The following KIF26A variants were observed in gnomAD, a reference collection of about 807,000 sequenced individuals.
KIF26A encodes kinesin-like protein KIF26A.
In KIF26A, 74 loss-of-function variants were observed where a neutral mutation model predicts 126.0. That is an observed-to-expected ratio of 0.59 (90% CI 0.49 to 0.71). KIF26A has a LOEUF of 0.71. Among genes scored for constraint, KIF26A ranks in the 30% least tolerant of loss-of-function variants. The pLI, the probability that KIF26A is intolerant of heterozygous loss-of-function variation, is 0.00. For missense variants in KIF26A, 2,984 were observed against 2,763.3 expected, an observed-to-expected ratio of 1.08 and a Z score of -1.79; for synonymous variants, 1,445 against 1,232.7, an observed-to-expected ratio of 1.17 and a Z score of -3.61.
chr14:104,179,819 G>A lies in KIF26A; in HGVS notation c.*29G>A, dbSNP rs184298442. 799 of 1,496,166 alleles carry A rather than the reference G, an allele frequency of 5.3e-4. 3 individuals carry two copies. The African/African-American group carries it at 7.3e-3, about 14-fold the overall frequency. 92.7% of individuals were successfully genotyped at this position (1,496,166 alleles called of 1,614,324 possible). A position where few individuals can be genotyped will look rare whatever the true frequency, so the allele number is the denominator to read the frequency against. ...TGGGCGCCGGACAAGAGGAGGGGGCGTGCAGCGGGCTGGAGGACGGGACGT... is the reference window on the plus strand; with the variant it reads ...TGGGCGCCGGACAAGAGGAGGGGGCATGCAGCGGGCTGGAGGACGGGACGT... On this transcript the variant is annotated 3_prime_UTR_variant, in exon 15 of 15. Transcript: ENST00000423312.
chr14:104,143,182 T>A (rs192899173), intron 2 of KIF26A, among the ~76,000 whole-genome samples: 1 of 152,324 alleles, frequency 6.6e-6, no homozygotes, highest in African/African-American at 2.4e-5. Flanking sequence ...AGGGGCCTCA[T>A]CCTTATGCCC....
rs540770480 is a variant in KIF26A at position 104,157,811 on chromosome 14, C to G, written c.792C>G (p.Pro264=). 5 of 1,609,634 alleles carry G rather than the reference C, an allele frequency of 3.1e-6. No individual in the cohort carries two copies. Among genetic ancestry groups the G allele is most frequent in the Non-Finnish European group, 4.2e-6 (5 of 1,178,566 alleles). ...CAGACACGGTCCGAGAATGCCCCCCCGTGGCCGGCCCTGATGGCTTGTCGA... is the reference window on the plus strand; with the variant it reads ...CAGACACGGTCCGAGAATGCCCCCCGGTGGCCGGCCCTGATGGCTTGTCGA... The part of the protein sequence containing the change: ...AVADTVRECP[P]VAGPDGLSKA... Residue 264 remains proline (P), a synonymous_variant, in exon 4 of 15, where the codon CCC becomes CCG. Coordinates refer to ENST00000423312, the MANE Select transcript of KIF26A (RefSeq NM_015656.2).
chr14:104,157,054 T>C (rs992117924), intron 3 of KIF26A, among the ~76,000 whole-genome samples: 1 of 151,892 alleles, frequency 6.6e-6, no homozygotes, highest in African/African-American at 2.4e-5. Flanking sequence ...TGGGGTTGCA[T>C]CCCCCCACGC....
rs1027848922 is a variant in KIF26A, at chr14:104,151,921, G to T, written c.289-94G>T. The T allele has an allele frequency of 9.0e-7, 1 of 1,106,726 alleles. No homozygotes were observed. Among genetic ancestry groups the T allele is most frequent in the East Asian group, 2.4e-5 (1 of 41,634 alleles). 68.6% of individuals were successfully genotyped at this position (1,106,726 alleles called of 1,614,324 possible). On this transcript the variant is annotated intron_variant, in intron 2 of 14. Coordinates refer to ENST00000423312, the MANE Select transcript of KIF26A (RefSeq NM_015656.2). This position sits in a 1 kb window ranked among gnomAD's most constrained non-coding sequence, Gnocchi z 4.9. ...TGGTGCGGTGGCCAGGCGGGAGCTC[G>T]CAGCGTCATGGACGGTGAGAGTGCT...
Position 104,176,149 on chromosome 14 carries a change from A to C in KIF26A, c.3361A>C (p.Thr1121Pro). 1.3e-6 allele frequency: 2 copies of C among 1,586,488 alleles called. No individual in the cohort carries two copies. The highest frequency in any genetic ancestry group is 1.7e-6 in the Non-Finnish European group (2 of 1,167,632). The change falls in exon 12 of 15, where the codon ACT (threonine) becomes CCT (proline). Residue 1121 changes from threonine (T) to proline (P), a missense_variant. Transcript: ENST00000423312. ...SSWLSEVSVCTADSRDPTPQP... is the reference protein window; with the variant it reads ...SSWLSEVSVCPADSRDPTPQP... ...CTGGCTCAGCGAGGTCAGCGTCTGC[A>C]CTGCCGACAGCCGTGACCCCACGCC...
chr14:104,144,511 A>G (rs763545267), intron 2 of KIF26A, among the ~76,000 whole-genome samples: 39 of 152,232 alleles, frequency 2.6e-4, no homozygotes, highest in Non-Finnish European at 4.4e-4. Context: ...GGGCTAAGGG[A>G]ATGGGACTGG....
At chr14:104,161,757 C>T (rs1402992610) in intron 4 of KIF26A, among the ~76,000 whole-genome samples, 5 of 152,218 alleles carry the variant, frequency 3.3e-5, no homozygotes, top group Admixed American at 6.5e-5. Flanking sequence ...AAGCAGGAGG[C>T]GCAGGGGCTG....
Position 104,180,838 on chromosome 14 carries a change from G to C in KIF26A, c.*1048G>C, listed in dbSNP as rs1334094126. 1 of 153,940 alleles carries C rather than the reference G, an allele frequency of 6.5e-6. No homozygotes were observed. The highest frequency in any genetic ancestry group is 2.4e-5 in the African/African-American group (1 of 41,514). The allele number at this position is 153,940 out of a possible 1,614,324, so 9.5% of individuals were successfully genotyped here. A position where few individuals can be genotyped will look rare whatever the true frequency, so the allele number is the denominator to read the frequency against. ...AGGACGTCTGAACCTTTGTACAAAT[G>C]TGTAGATGACATCTTGCTACAGCTT... On this transcript the variant is annotated 3_prime_UTR_variant, in exon 15 of 15. Coordinates refer to ENST00000423312, the MANE Select transcript of KIF26A (RefSeq NM_015656.2).
intron 3 of KIF26A, among the ~76,000 whole-genome samples, chr14:104,156,248 A>G (rs1390009237): frequency 2.0e-5 from 3 of 152,206 alleles, no homozygotes; most frequent in Admixed American, 6.5e-5. Flanking sequence ...TAGGGAGCAC[A>G]TACATTAAGT....
rs2037742778 is a variant in KIF26A at position 104,152,787 on chromosome 14, G to T, written c.735+326G>T. Among the ~76,000 whole-genome samples, 2 of 152,206 alleles carry T rather than the reference G, an allele frequency of 1.3e-5. No homozygotes were observed. The highest frequency in any genetic ancestry group is 2.9e-5 in the Non-Finnish European group (2 of 68,020). Reference sequence around the variant, plus strand: ...GGCGATGCACAGGGCACCGTGTGTAGATCGGGGCTCACGAGGCAGATGGAG... The same window carrying T: ...GGCGATGCACAGGGCACCGTGTGTATATCGGGGCTCACGAGGCAGATGGAG... On this transcript the variant is annotated intron_variant, in intron 3 of 14. Transcript: ENST00000423312. The surrounding 1 kb of genome is among the most constrained non-coding windows in gnomAD (Gnocchi z 5.9).
rs1388981739 is a variant in KIF26A, at chr14:104,179,308, A to C, written c.5389A>C (p.Lys1797Gln). 1 of 1,538,788 alleles carries C rather than the reference A, an allele frequency of 6.5e-7. No individual in the cohort carries two copies. Among genetic ancestry groups the C allele is most frequent in the Non-Finnish European group, 8.7e-7 (1 of 1,145,820 alleles). ...RQQRLREVQAKHKHLCEELAE... is the reference protein window; with the variant it reads ...RQQRLREVQAQHKHLCEELAE... ...GCAGCGGCTGCGGGAGGTGCAGGCCAAGCACAAGCACCTGTGTGAGGAGCT... is the reference window on the plus strand; with the variant it reads ...GCAGCGGCTGCGGGAGGTGCAGGCCCAGCACAAGCACCTGTGTGAGGAGCT... The change falls in exon 14 of 15, where the codon AAG (lysine) becomes CAG (glutamine). Residue 1797 changes from lysine (K) to glutamine (Q), a missense_variant. Physicochemically the swap from Lys to Gln is moderately conservative, Grantham distance 53 (BLOSUM62 1). Coordinates refer to ENST00000423312, the MANE Select transcript of KIF26A (RefSeq NM_015656.2).
intron 4 of KIF26A, among the ~76,000 whole-genome samples, chr14:104,159,310 G>A (rs777854583): frequency 2.6e-5 from 4 of 152,252 alleles, no homozygotes; most frequent in African/African-American, 9.6e-5. Context: ...CTGTGCGGCT[G>A]TTCTGGGCAC....
intron 3 of KIF26A, among the ~76,000 whole-genome samples, chr14:104,156,799 C>G (rs2037782119): frequency 6.6e-6 from 1 of 152,194 alleles, no homozygotes; most frequent in Non-Finnish European, 1.5e-5. Context: ...GCCTTCCAGA[C>G]CAGCCCACGT....
At chr14:104,172,138 G>A (rs925449096) in intron 6 of KIF26A, among the ~76,000 whole-genome samples, 1 of 152,230 alleles carries the variant, frequency 6.6e-6, no homozygotes, top group African/African-American at 2.4e-5. Context: ...CCCCTGCCGA[G>A]GCTCTGGGCC....
intron 3 of KIF26A, among the ~76,000 whole-genome samples, chr14:104,154,855 CG>C (rs2141097529): frequency 6.6e-6 from 1 of 152,280 alleles, no homozygotes; most frequent in Non-Finnish European, 1.5e-5. Flanking sequence ...CCCTGAGGAG[CG>C]GGGGTGCCTC....
chr14:104,164,841 A>G (rs28650207), intron 4 of KIF26A, among the ~76,000 whole-genome samples: 4 of 145,798 alleles, frequency 2.7e-5, no homozygotes, highest in African/African-American at 1.0e-4. Flanking sequence ...GTGTCTGAGT[A>G]TGTGTGTGTG....
intron 3 of KIF26A, 115 bp from the exon 4 acceptor site, chr14:104,157,640 C>T (rs1400005084): frequency 8.6e-7 from 1 of 1,160,480 alleles, no homozygotes; most frequent in Non-Finnish European, 1.2e-6. Context: ...TGCAGAGCCC[C>T]CAGGAATGTG....
chr14:104,146,308 G>A (rs1238383119), intron 2 of KIF26A, among the ~76,000 whole-genome samples: 1 of 152,134 alleles, frequency 6.6e-6, no homozygotes, highest in Non-Finnish European at 1.5e-5. Flanking sequence ...ATTGGGAGAA[G>A]GCTCGTCCTG....
At position 104,152,229 on chromosome 14, in the gene KIF26A, C is replaced by G; in HGVS notation, c.503C>G (p.Thr168Ser). The G allele has an allele frequency of 6.2e-7, 1 of 1,600,094 alleles. No homozygotes were observed. The highest frequency in any genetic ancestry group is 8.5e-7 in the Non-Finnish European group (1 of 1,175,118). Residue 168 changes from threonine to serine, a missense_variant, in exon 3 of 15, where the codon ACC (threonine) becomes AGC (serine). Physicochemically the swap from Thr to Ser is moderately conservative, Grantham distance 58 (BLOSUM62 1). Coordinates refer to ENST00000423312, the MANE Select transcript of KIF26A (RefSeq NM_015656.2). This position sits in a 1 kb window ranked among gnomAD's most constrained non-coding sequence, Gnocchi z 5.9. Reference sequence around the variant, plus strand: ...AGCCTCGCACCCCCCAGCACCACGACCAGCTCGAGGGACACGCCAGGACCA... The same window carrying G: ...AGCCTCGCACCCCCCAGCACCACGAGCAGCTCGAGGGACACGCCAGGACCA... Reference protein sequence around the residue: ...GPSLAPPSTTTSSRDTPGPAG... With the variant: ...GPSLAPPSTTSSSRDTPGPAG...
Sources: gnomAD v4.1 joint callset for allele counts (sites outside exome capture counted in the v4.1 genomes callset) on GRCh38, gnomAD v4.1.1 for gene constraint, Gnocchi (gnomAD v3.1) non-coding constraint, MANE v1.5 for transcripts, NCBI Gene and HGNC (gene_info 2026-07-23, HGNC 2026-07-21) for gene names.